CELF2: variants seen among roughly 807,000 people sequenced by gnomAD.
The protein encoded by CELF2 is CUG triplet repeat RNA-binding protein 2.
CELF2 carries 8 observed loss-of-function variants against 62.6 expected under a neutral mutation model. The ratio of observed to expected loss-of-function variants is 0.13; its 90% CI spans 0.07 to 0.23. CELF2 has a LOEUF of 0.23. Ranked by LOEUF, CELF2 falls within the 10% of genes least tolerant of loss-of-function variation. The pLI is 1.00. For synonymous variants in CELF2, 258 were observed against 250.0 expected, an observed-to-expected ratio of 1.03 and a Z score of -0.30; for missense variants, 333 against 671.0, an observed-to-expected ratio of 0.50 and a Z score of 5.56.
chr10:10,684,132 A>T, the CELF2 span, among the ~76,000 whole-genome samples: 40,565 of 152,072 alleles, frequency 0.27, 5,784 homozygotes, highest in South Asian at 0.44. Flanking sequence ...GGGATGAAGC[A>T]CGGATGATAG....
At chr10:11,289,005 G>A (rs2092013132) in intron 9 of CELF2, among the ~76,000 whole-genome samples, 1 of 152,088 alleles carries the variant, frequency 6.6e-6, no homozygotes. Flanking sequence ...AAAATCCACG[G>A]TCCAGTAAGG....
intron 1 of CELF2, among the ~76,000 whole-genome samples, chr10:11,036,730 G>A (rs753620742): frequency 6.6e-5 from 10 of 152,210 alleles, no homozygotes; most frequent in Non-Finnish European, 1.3e-4. Context: ...CTGAGAGCCC[G>A]CTGGGGGTTT....
chr10:10,848,834 T>C (rs567930709), intron 1 of CELF2, among the ~76,000 whole-genome samples: 1 of 152,274 alleles, frequency 6.6e-6, no homozygotes, highest in African/African-American at 2.4e-5. Context: ...AAGGGGAGTC[T>C]GCTAGTGGAT....
the CELF2 span, among the ~76,000 whole-genome samples, chr10:10,505,417 C>A: frequency 4.2e-4 from 64 of 152,190 alleles, no homozygotes; most frequent in African/African-American, 1.5e-3. Flanking sequence ...TCTGACTCTC[C>A]ACCAGGCTGC....
chr10:11,124,070 A>C (rs1176565607), intron 1 of CELF2, among the ~76,000 whole-genome samples: 2 of 152,202 alleles, frequency 1.3e-5, no homozygotes, highest in African/African-American at 4.8e-5. Context: ...TCCCGTGTAT[A>C]AAACCATCAG....
the CELF2 span, among the ~76,000 whole-genome samples, chr10:10,550,967 G>T: frequency 1.3e-5 from 2 of 152,102 alleles, no homozygotes; most frequent in South Asian, 2.1e-4. Flanking sequence ...CAAAGTGCTG[G>T]GATTACAGGC....
At chr10:10,748,361 A>G in the CELF2 span, among the ~76,000 whole-genome samples, 1 of 152,160 alleles carries the variant, frequency 6.6e-6, no homozygotes, top group African/African-American at 2.4e-5. Context: ...CACAAATATT[A>G]TTTGTCTCTA....
chr10:10,786,035 T>C, the CELF2 span, among the ~76,000 whole-genome samples: 1 of 151,994 alleles, frequency 6.6e-6, no homozygotes, highest in Non-Finnish European at 1.5e-5. Flanking sequence ...AAAAAACTAA[T>C]TTAAAAAAAA....
chr10:10,593,832 A>C, the CELF2 span, among the ~76,000 whole-genome samples: 1 of 152,238 alleles, frequency 6.6e-6, no homozygotes, highest in East Asian at 1.9e-4. Context: ...TGAGACTTTG[A>C]GCAAGTTCTT....
the CELF2 span, among the ~76,000 whole-genome samples, chr10:10,578,679 A>G: frequency 6.6e-6 from 1 of 152,000 alleles, no homozygotes; most frequent in South Asian, 2.1e-4. Flanking sequence ...TCTTACCCAA[A>G]CCTGCATTTC....
the CELF2 span, among the ~76,000 whole-genome samples, chr10:10,735,656 G>A: frequency 6.6e-6 from 1 of 152,154 alleles, no homozygotes; most frequent in Non-Finnish European, 1.5e-5. Flanking sequence ...TCCCCATGAC[G>A]TTAAAGAAGT....
the CELF2 span, among the ~76,000 whole-genome samples, chr10:10,713,182 C>A: frequency 6.6e-6 from 1 of 152,238 alleles, no homozygotes; most frequent in Non-Finnish European, 1.5e-5. Flanking sequence ...AAAAGGCCTT[C>A]GTAACCTGCT....
intron 1 of CELF2, among the ~76,000 whole-genome samples, chr10:10,884,794 A>G (rs925473477): frequency 1.3e-5 from 2 of 152,244 alleles, no homozygotes; most frequent in African/African-American, 2.4e-5. Context: ...ACTTCTATAC[A>G]GTGCCACTGT....
Position 10,852,709 on chromosome 10 carries a change from G to T in CELF2, c.53+53892G>T, listed in dbSNP as rs1371586864. Among the ~76,000 whole-genome samples, 5 of 152,202 alleles carry T rather than the reference G, an allele frequency of 3.3e-5. No individual in the cohort carries two copies. In the East Asian group the frequency reaches 7.7e-4, roughly 23 times the overall value. ...CTTTTGCAAGATGTTACCCTCGGGG[G>T]AAATGGGCAAAGCATTCACATGATC... is the stretch of plus-strand genomic sequence containing the variant. On this transcript the variant is annotated intron_variant, in intron 1 of 13. Coordinates refer to the CELF2 transcript ENST00000636488.
the CELF2 span, among the ~76,000 whole-genome samples, chr10:10,685,115 T>C: frequency 6.6e-6 from 1 of 152,132 alleles, no homozygotes; most frequent in African/African-American, 2.4e-5. Flanking sequence ...AGGTAAACCC[T>C]ATGCTTATTC....
chr10:11,317,340 A>G (rs1225032954), intron 10 of CELF2: 1 of 152,240 alleles, frequency 6.6e-6, no homozygotes, highest in Non-Finnish European at 1.5e-5. Flanking sequence ...TCTATAGTTT[A>G]CACAGCCCCA....
chr10:10,969,617 T>C (rs1339207809), intron 2 of CELF2, among the ~76,000 whole-genome samples: 1 of 152,106 alleles, frequency 6.6e-6, no homozygotes, highest in African/African-American at 2.4e-5. Flanking sequence ...CCATTCTCTG[T>C]CATTGTGCAC....
chr10:10,922,806 GAAGT>G (rs2065047359), intron 2 of CELF2: 1 of 152,204 alleles, frequency 6.6e-6, no homozygotes. Flanking sequence ...AAAGGAGTGA[GAAGT>G]AATATATCAG....
At chr10:10,503,784 T>A in the CELF2 span, among the ~76,000 whole-genome samples, 1 of 151,986 alleles carries the variant, frequency 6.6e-6, no homozygotes, top group African/African-American at 2.4e-5. Context: ...TATTGTATGT[T>A]TATACTCTGT....
Sources: gnomAD v4.1 joint callset for allele counts (sites outside exome capture counted in the v4.1 genomes callset) on GRCh38, gnomAD v4.1.1 for gene constraint, MANE v1.5 for transcripts, NCBI Gene and HGNC (gene_info 2026-07-23, HGNC 2026-07-21) for gene names.